Variants in FAT1 observed in about 807,000 individuals in gnomAD.
FAT1 encodes protocadherin Fat 1.
A neutral mutation model predicts 329.8 loss-of-function variants in FAT1; 171 were observed. That is an observed-to-expected ratio of 0.52 (90% CI 0.46 to 0.59). FAT1 has a LOEUF of 0.59. Ranked by LOEUF, FAT1 falls within the 20% of genes least tolerant of loss-of-function variation. The pLI is 0.00. For synonymous variants in FAT1, 2,233 were observed against 2,228.6 expected (o/e 1.00, Z -0.06); for missense variants, 5,672 against 5,774.4 (o/e 0.98, Z 0.57).
chr4:186,691,477 T>C (rs181428432), intron 2 of FAT1, among the ~76,000 whole-genome samples: 3 of 152,310 alleles, frequency 2.0e-5, no homozygotes, highest in Admixed American at 6.5e-5. Flanking sequence ...TTTCATTTCA[T>C]GAGAAAATTT....
intron 2 of FAT1, among the ~76,000 whole-genome samples, chr4:186,677,717 T>C (rs534587161): frequency 6.6e-6 from 1 of 152,282 alleles, no homozygotes; most frequent in African/African-American, 2.4e-5. Flanking sequence ...ACAAATGAAG[T>C]ATTTAATATG....
rs1560939850 is a variant in FAT1, at chr4:186,618,903, C to T, written c.7683G>A (p.Glu2561=). The change falls in exon 10 of 27, where the codon GAG becomes GAA. Residue 2561 remains glutamate, a synonymous_variant. Coordinates refer to ENST00000441802, the MANE Select transcript of FAT1 (RefSeq NM_005245.4). Reference sequence around the variant, plus strand: ...CCATTAAACGGACTGAGATCACTTTCTCCGCCGGGGTTTCTCGATCAAGTT... The same window carrying T: ...CCATTAAACGGACTGAGATCACTTTTTCCGCCGGGGTTTCTCGATCAAGTT... ...LEKLDRETPA[E]KVISVRLMAK... is the part of the protein sequence containing the mutation. The T allele has an allele frequency of 6.2e-7, 1 of 1,613,946 alleles. No individual in the cohort carries two copies. Among genetic ancestry groups the T allele is most frequent in the South Asian group, 1.1e-5 (1 of 91,084 alleles).
chr4:186,620,318 C>T lies in FAT1; in HGVS notation c.6268G>A (p.Val2090Ile), dbSNP rs1326655948. 1.2e-6 allele frequency: 2 copies of T among 1,614,022 alleles called. No homozygotes were observed. The highest frequency in any genetic ancestry group is 1.7e-6 in the Non-Finnish European group (2 of 1,179,904). ...VFVNLPYYAV[V>I]KVDTEVGHVI... ...TGGCCCACCTCAGTGTCCACTTTAA[C>T]AACGGCGTAGTAGGGAAGGTTGACA... Residue 2090 changes from valine to isoleucine, a missense_variant, in exon 10 of 27, where the codon GTT becomes ATT. This residue lies in a region of FAT1 where 3,966 missense variants were observed against 3,915.2 expected (regional missense o/e 1.01). Coordinates refer to ENST00000441802, the MANE Select transcript of FAT1 (RefSeq NM_005245.4).
intron 1 of FAT1, among the ~76,000 whole-genome samples, chr4:186,710,755 C>G (rs963841752): frequency 6.6e-6 from 1 of 152,178 alleles, no homozygotes; most frequent in Non-Finnish European, 1.5e-5. Flanking sequence ...GACACACACA[C>G]ACAAAAGCTA....
upstream of FAT1, among the ~76,000 whole-genome samples, chr4:186,724,430 C>A (rs1478345221): frequency 6.6e-6 from 1 of 152,124 alleles, no homozygotes; most frequent in Non-Finnish European, 1.5e-5. This position sits in a 1 kb window ranked among gnomAD's most constrained non-coding sequence, Gnocchi z 5.3. Context: ...CTTTTTCTGC[C>A]GAGTTAGACC....
chr4:186,657,073 C>T (rs2126605520), intron 3 of FAT1, among the ~76,000 whole-genome samples: 1 of 152,176 alleles, frequency 6.6e-6, no homozygotes, highest in Admixed American at 6.5e-5. Context: ...GATGAGGGGA[C>T]ACCCACGATC....
At chr4:186,686,419 GTTC>G (rs1383793574) in intron 2 of FAT1, among the ~76,000 whole-genome samples, 1 of 152,104 alleles carries the variant, frequency 6.6e-6, no homozygotes, top group African/African-American at 2.4e-5. Context: ...TTGAATGAGT[GTTC>G]TTTTTTCCAA....
Position 186,601,412 on chromosome 4 carries a change from T to C in FAT1, c.11497A>G (p.Thr3833Ala), listed in dbSNP as rs201279606. 1.1e-3 allele frequency: 1,758 copies of C among 1,612,206 alleles called. No individual in the cohort carries two copies. The highest frequency in any genetic ancestry group is 2.8e-3 in the Admixed American group (166 of 59,978). The change falls in exon 21 of 27, where the codon ACA (threonine) becomes GCA (alanine). Residue 3833 changes from threonine to alanine, a missense_variant. This residue lies in a region of FAT1 where 1,706 missense variants were observed against 1,859.1 expected (regional missense o/e 0.92). Coordinates refer to ENST00000441802, the MANE Select transcript of FAT1 (RefSeq NM_005245.4). ...TTCACGTAGCTGTTTCCAGTCAGTG[T>C]CATAGATGAACTCCCTGTGAATCAC... ...FGQCPGSSSM[T>A]LTGNSYVKYR...
At chr4:186,721,869 C>CT (rs201078483) in intron 1 of FAT1, among the ~76,000 whole-genome samples, 1,782 of 152,164 alleles carry the variant, frequency 0.012, 33 homozygotes, top group African/African-American at 0.041. Context: ...TTTTTCTTTT[C>CT]TTTTTTTTCC....
intron 3 of FAT1, among the ~76,000 whole-genome samples, chr4:186,645,366 CATATATATAT>C (rs70964973): frequency 0.044 from 1,523 of 34,774 alleles, 42 homozygotes; most frequent in Admixed American, 0.062. Context: ...TACTTCATTA[CATATATATAT>C]ATATATATAT....
intron 3 of FAT1, among the ~76,000 whole-genome samples, chr4:186,647,509 A>G (rs1741435977): frequency 6.6e-6 from 1 of 152,202 alleles, no homozygotes; most frequent in Non-Finnish European, 1.5e-5. Context: ...TATAATGATT[A>G]TACAACAAAA....
At position 186,680,182 on chromosome 4, in the gene FAT1, C is replaced by T. The variant is rs536270003; in HGVS notation, c.3266-16569G>A. 1.6e-4 allele frequency among the ~76,000 whole-genome samples: 24 copies of T among 152,266 alleles called. No homozygotes were observed. The South Asian group carries it at 5.0e-3, about 32-fold the overall frequency. On this transcript the variant is annotated intron_variant, in intron 2 of 26. Transcript: ENST00000441802. ...TAAGCCTATTTTGAAATAATGCTGG[C>T]ATATCCCTGGCTTTAATTATTGTCC...
At position 186,620,999 on chromosome 4, in the gene FAT1, C is replaced by T. The variant is rs771682622; in HGVS notation, c.5587G>A (p.Ala1863Thr). 1 of 1,612,896 alleles carries T rather than the reference C, an allele frequency of 6.2e-7. No individual in the cohort carries two copies. The highest frequency in any genetic ancestry group is 1.1e-5 in the South Asian group (1 of 91,060). The change falls in exon 10 of 27, where the codon GCG becomes ACG. Residue 1863 changes from alanine (A) to threonine (T), a missense_variant. Transcript: ENST00000441802. ...GTPRLFAEYA[A>T]NVTVHVIDIN... ...TCAATTACATGTACTGTTACATTCG[C>T]TGCATACTCAGCAAATAAACGTGGG...
intron 21 of FAT1, 47 bp from the exon 22 acceptor site, chr4:186,600,407 A>G: frequency 6.8e-7 from 1 of 1,467,884 alleles, no homozygotes; most frequent in Non-Finnish European, 9.3e-7. Flanking sequence ...TAGAACCTTC[A>G]ATGAGAGCAC....
chr4:186,622,679 C>T (rs990469844), intron 9 of FAT1, among the ~76,000 whole-genome samples: 1 of 152,294 alleles, frequency 6.6e-6, no homozygotes, highest in African/African-American at 2.4e-5. Context: ...TTTGTATCAT[C>T]GACTGAATCT....
rs182529163 is a variant in FAT1 at position 186,597,438 on chromosome 4, A to G, written c.12368+244T>C. ...ATTAATGGCCATTTTCCTAGGATCAACAGACTATTACATCAACCCCATTGG... is the reference window on the plus strand; with the variant it reads ...ATTAATGGCCATTTTCCTAGGATCAGCAGACTATTACATCAACCCCATTGG... On this transcript the variant is annotated intron_variant, in intron 24 of 26. Coordinates refer to ENST00000441802, the MANE Select transcript of FAT1 (RefSeq NM_005245.4). Among the ~76,000 whole-genome samples, 70 of 152,302 alleles carry G rather than the reference A, an allele frequency of 4.6e-4. 1 individual carries two copies. The highest frequency in any genetic ancestry group is 1.5e-3 in the African/African-American group (63 of 41,568).
intron 17 of FAT1, among the ~76,000 whole-genome samples, chr4:186,605,596 T>C (rs895796843): frequency 1.3e-4 from 1 of 7,774 alleles, no homozygotes; most frequent in Non-Finnish European, 2.4e-4. Context: ...GAGGGAGGAG[T>C]GGGGAGGAGG....
chr4:186,710,025 C>G (rs577432754), intron 1 of FAT1, among the ~76,000 whole-genome samples, 180 bp from the exon 2 acceptor site: 1 of 152,212 alleles, frequency 6.6e-6, no homozygotes, highest in South Asian at 2.1e-4. Context: ...TGTAACATGT[C>G]TAGAATTATT....
intron 1 of FAT1, among the ~76,000 whole-genome samples, chr4:186,718,054 G>A (rs1745297460): frequency 6.6e-6 from 1 of 152,174 alleles, no homozygotes; most frequent in African/African-American, 2.4e-5. Flanking sequence ...TGGTAAGTAA[G>A]ACTTTATTTT....
Sources: allele counts gnomAD v4.1 joint callset (sites outside exome capture counted in the v4.1 genomes callset), GRCh38; gene constraint gnomAD v4.1.1; regional missense constraint gnomAD v4.1.1; non-coding constraint Gnocchi (gnomAD v3.1); transcripts MANE v1.5; gene names NCBI Gene and HGNC (gene_info 2026-07-23, HGNC 2026-07-21).